Variants in TWSG1 observed in about 807,000 individuals in gnomAD.
The protein encoded by TWSG1 is twisted gastrulation protein homolog 1.
TWSG1 carries 15 observed loss-of-function variants against 23.0 expected under a neutral mutation model. The ratio of observed to expected loss-of-function variants is 0.65; its 90% CI spans 0.44 to 1.00. The LOEUF is 1.00. Ranked by LOEUF, TWSG1 falls within the 50% of genes least tolerant of loss-of-function variation. TWSG1 has a pLI of 0.00. For missense variants in TWSG1, 242 were observed against 278.7 expected (o/e 0.87, Z 0.94); for synonymous variants, 86 against 92.8 (o/e 0.93, Z 0.42).
At chr18:9,353,440 T>A (rs2040510938) in intron 2 of TWSG1, among the ~76,000 whole-genome samples, 1 of 152,242 alleles carries the variant, frequency 6.6e-6, no homozygotes. Flanking sequence ...TCATTTCATA[T>A]AAGCTTTGAA....
At chr18:9,394,847 G>A (rs2040727738) in intron 3 of TWSG1, among the ~76,000 whole-genome samples, 1 of 151,908 alleles carries the variant, frequency 6.6e-6, no homozygotes, top group Admixed American at 6.6e-5. Context: ...TACAAACAAT[G>A]TCCCATTACC....
intron 3 of TWSG1, among the ~76,000 whole-genome samples, chr18:9,365,917 G>C (rs2040576607): frequency 6.6e-6 from 1 of 151,384 alleles, no homozygotes; most frequent in African/African-American, 2.4e-5. Context: ...GAGACAGGAG[G>C]ATCACTTGAG....
chr18:9,339,648 C>A (rs140341848), intron 2 of TWSG1, among the ~76,000 whole-genome samples: 1 of 151,996 alleles, frequency 6.6e-6, no homozygotes, highest in African/African-American at 2.4e-5. Flanking sequence ...ATTACAATTA[C>A]AAAAATTAGC....
At chr18:9,347,231 A>G (rs1458756662) in intron 2 of TWSG1, among the ~76,000 whole-genome samples, 2 of 152,146 alleles carry the variant, frequency 1.3e-5, no homozygotes, top group East Asian at 1.9e-4. Context: ...GTCCTTTATC[A>G]GAAAAGTCTT....
At chr18:9,349,611 TC>T (rs542669390) in intron 2 of TWSG1, among the ~76,000 whole-genome samples, 82 of 152,334 alleles carry the variant, frequency 5.4e-4, no homozygotes, top group African/African-American at 1.9e-3. Context: ...AATAAATAGT[TC>T]AGGTAAGTTT....
At chr18:9,359,098 A>G (rs1316021894) in intron 2 of TWSG1, among the ~76,000 whole-genome samples, 20 of 152,102 alleles carry the variant, frequency 1.3e-4, no homozygotes, top group Admixed American at 1.3e-3. Context: ...AACAATAGCC[A>G]TTTATTTAAC....
Position 9,360,064 on chromosome 18 carries a change from C to T in TWSG1, c.216C>T (p.Asp72=), listed in dbSNP as rs1278560077. 4.3e-6 allele frequency: 7 copies of T among 1,612,752 alleles called. No individual in the cohort carries two copies. Among genetic ancestry groups the T allele is most frequent in the African/African-American group, 4.0e-5 (3 of 74,874 alleles). ...GGGCCCTTTGGGACGAGTGCTGTGACTGTGTTGGTAAGTTGATACCAAGGG... is the reference window on the plus strand; with the variant it reads ...GGGCCCTTTGGGACGAGTGCTGTGATTGTGTTGGTAAGTTGATACCAAGGG... ...CLGALWDECC[D]CVGMCNPRNY... Residue 72 remains aspartate, a synonymous_variant, in exon 3 of 5, where the codon GAC becomes GAT. Transcript: ENST00000262120.
chr18:9,365,152 C>T (rs980322569), intron 3 of TWSG1, among the ~76,000 whole-genome samples: 3 of 151,488 alleles, frequency 2.0e-5, no homozygotes, highest in Non-Finnish European at 4.4e-5. Flanking sequence ...GAGACCCCAT[C>T]TTTACCAAAA....
chr18:9,376,445 A>G (rs999524727), intron 3 of TWSG1, among the ~76,000 whole-genome samples: 1 of 152,192 alleles, frequency 6.6e-6, no homozygotes, highest in Non-Finnish European at 1.5e-5. Flanking sequence ...AGACAAATAG[A>G]TGAAAGGAAA....
At chr18:9,392,955 T>C (rs1439866409) in intron 3 of TWSG1, among the ~76,000 whole-genome samples, 1 of 152,206 alleles carries the variant, frequency 6.6e-6, no homozygotes, top group African/African-American at 2.4e-5. Flanking sequence ...AGTTATCAGT[T>C]GAGCTTGCAT....
At position 9,337,364 on chromosome 18, in the gene TWSG1, A is replaced by G. The variant is rs1156264544; in HGVS notation, c.123+12A>G. 6 of 1,611,336 alleles carry G rather than the reference A, an allele frequency of 3.7e-6. No homozygotes were observed. Among genetic ancestry groups the G allele is most frequent in the East Asian group, 4.5e-5 (2 of 44,872 alleles). On this transcript the variant is annotated intron_variant, in intron 2 of 4. Transcript: ENST00000262120. Reference sequence around the variant, plus strand: ...AATGCCTCATTCAGGTAGGACTAAGAGTACTTTTATTAATATCAAAATATA... The same window carrying G: ...AATGCCTCATTCAGGTAGGACTAAGGGTACTTTTATTAATATCAAAATATA...
chr18:9,356,340 G>A (rs1278966478), intron 2 of TWSG1, among the ~76,000 whole-genome samples: 1 of 152,152 alleles, frequency 6.6e-6, no homozygotes, highest in East Asian at 1.9e-4. Context: ...TAAATAGGCC[G>A]TTAGTTTTAA....
At chr18:9,344,521 G>GTGTGTA (rs1555650745) in intron 2 of TWSG1, among the ~76,000 whole-genome samples, 1 of 80,202 alleles carries the variant, frequency 1.2e-5, no homozygotes, top group Non-Finnish European at 2.6e-5. Flanking sequence ...GTGTGTGTGT[G>GTGTGTA]TATGTATGTA....
rs148238180 is a variant in TWSG1 at position 9,364,035 on chromosome 18, C to G, written c.223+3964C>G. Among the ~76,000 whole-genome samples, 831 of 152,314 alleles carry G rather than the reference C, an allele frequency of 5.5e-3. 7 individuals are homozygous for G. Among genetic ancestry groups the G allele is most frequent in the African/African-American group, 0.019 (797 of 41,572 alleles). On this transcript the variant is annotated intron_variant, in intron 3 of 4. Coordinates refer to ENST00000262120, the MANE Select transcript of TWSG1 (RefSeq NM_020648.6). ...TTGTTTTACTCAAATCAAGATCCAA[C>G]AAAGATTACTCACTGTATTTGGTTG...
chr18:9,400,491 T>G lies in TWSG1; in HGVS notation c.*964T>G, dbSNP rs1259528350. 1.9e-4 allele frequency: 29 copies of G among 152,084 alleles called. No individual in the cohort carries two copies. Among genetic ancestry groups the G allele is most frequent in the Admixed American group, 1.9e-3 (29 of 15,258 alleles). 9.4% of individuals were successfully genotyped at this position (152,084 alleles called of 1,614,324 possible). A position where few individuals can be genotyped will look rare whatever the true frequency, so the allele number is the denominator to read the frequency against. On this transcript the variant is annotated 3_prime_UTR_variant, in exon 5 of 5. Transcript: ENST00000262120. ...CAGCCTTAGCCAAGACAAAGCAGTGTTTTTCAGCAGACGGCTGATGGGACA... is the reference window on the plus strand; with the variant it reads ...CAGCCTTAGCCAAGACAAAGCAGTGGTTTTCAGCAGACGGCTGATGGGACA...
chr18:9,338,812 G>A (rs927240386), intron 2 of TWSG1, among the ~76,000 whole-genome samples: 4 of 152,130 alleles, frequency 2.6e-5, no homozygotes, highest in African/African-American at 9.7e-5. Context: ...CATAACATTT[G>A]CTGTATTCAT....
chr18:9,371,328 G>A (rs2040604205), intron 3 of TWSG1, among the ~76,000 whole-genome samples: 1 of 133,498 alleles, frequency 7.5e-6, no homozygotes, highest in South Asian at 2.3e-4. Flanking sequence ...ATGGAGTCTT[G>A]CCCTGTCGCC....
Position 9,396,394 on chromosome 18 carries a change from A to T in TWSG1, c.338A>T (p.Gln113Leu). The T allele has an allele frequency of 6.2e-7, 1 of 1,614,164 alleles. No homozygotes were observed. Among genetic ancestry groups the T allele is most frequent in the Non-Finnish European group, 8.5e-7 (1 of 1,180,036 alleles). ...CGGGCACTCACAGAAGGAGATACTCAGTTGAATTGGAACATCGTTTCTTTC... is the reference window on the plus strand; with the variant it reads ...CGGGCACTCACAGAAGGAGATACTCTGTTGAATTGGAACATCGTTTCTTTC... ...LFRALTEGDT[Q>L]LNWNIVSFPV... Residue 113 changes from glutamine (Q) to leucine (L), a missense_variant, in exon 4 of 5, where the codon CAG becomes CTG. Gln to Leu is a moderately radical substitution (Grantham distance 113). Transcript: ENST00000262120.
intron 3 of TWSG1, among the ~76,000 whole-genome samples, chr18:9,364,848 A>G (rs917088681): frequency 2.0e-5 from 3 of 152,158 alleles, no homozygotes; most frequent in Admixed American, 6.5e-5. Flanking sequence ...TTCTATTTTT[A>G]TCATTACTTC....
Sources: gnomAD v4.1 joint callset for allele counts (sites outside exome capture counted in the v4.1 genomes callset) on GRCh38, gnomAD v4.1.1 for gene constraint, MANE v1.5 for transcripts, NCBI Gene and HGNC (gene_info 2026-07-23, HGNC 2026-07-21) for gene names.